The following SIPA1L3 variants were observed in gnomAD, a reference collection of about 807,000 sequenced individuals.
SIPA1L3 encodes the protein signal-induced proliferation-associated 1-like protein 3.
In SIPA1L3, 59 loss-of-function variants were observed where a neutral mutation model predicts 150.1. That is an observed-to-expected ratio of 0.39 (90% CI 0.32 to 0.49). The LOEUF (loss-of-function observed/expected upper bound fraction) is 0.49, where lower values mean the gene tolerates loss of function less well. Ranked by LOEUF, SIPA1L3 falls within the 20% of genes least tolerant of loss-of-function variation. The pLI is 0.86. For missense variants in SIPA1L3, 2,211 were observed against 2,489.5 expected (o/e 0.89, Z 2.38); for synonymous variants, 1,070 against 1,077.6 (o/e 0.99, Z 0.14).
At chr19:38,004,496 C>T (rs1964455096) in intron 1 of SIPA1L3, among the ~76,000 whole-genome samples, 1 of 152,232 alleles carries the variant, frequency 6.6e-6, no homozygotes. Flanking sequence ...CCTTCTGTCT[C>T]TTTATTGTTC....
intron 2 of SIPA1L3, among the ~76,000 whole-genome samples, chr19:38,073,771 C>T (rs1344533112): frequency 2.0e-5 from 3 of 152,170 alleles, no homozygotes; most frequent in African/African-American, 7.2e-5. Flanking sequence ...TCCACTGTGC[C>T]TGCCCCTGCA....
At chr19:37,991,476 A>G (rs946002821) in intron 1 of SIPA1L3, among the ~76,000 whole-genome samples, 2 of 152,202 alleles carry the variant, frequency 1.3e-5, no homozygotes, top group African/African-American at 2.4e-5. Context: ...ACCTCCCCAC[A>G]TCCCCAGAGC....
chr19:37,998,366 G>A (rs1967695748), intron 1 of SIPA1L3, among the ~76,000 whole-genome samples: 1 of 152,156 alleles, frequency 6.6e-6, no homozygotes, highest in Non-Finnish European at 1.5e-5. Context: ...GTAGGACATA[G>A]TAATTTTGAT....
chr19:38,078,132 G>C (rs1278013196), intron 2 of SIPA1L3, among the ~76,000 whole-genome samples: 4 of 152,098 alleles, frequency 2.6e-5, no homozygotes, highest in Non-Finnish European at 5.9e-5. Flanking sequence ...CCTCTCTCCT[G>C]TCTCCCTTAG....
chr19:38,074,556 C>T (rs1048674747), intron 2 of SIPA1L3, among the ~76,000 whole-genome samples: 2 of 152,234 alleles, frequency 1.3e-5, no homozygotes, highest in Non-Finnish European at 2.9e-5. Context: ...GATCTGGTGC[C>T]CAGCACAGCG....
rs530442982 is a variant in SIPA1L3, at chr19:37,937,341, A to G, written c.-379+29983A>G. Among the ~76,000 whole-genome samples the G allele has an allele frequency of 7.9e-5, 12 of 152,302 alleles. No homozygotes were observed. The East Asian group carries it at 1.9e-3, about 24-fold the overall frequency. ...TATTACCAGTAACTTACATGTACCT[A>G]TGTGGTACTTCCCATTCACTTTCCT... On this transcript the variant is annotated intron_variant, in intron 1 of 21. Coordinates refer to ENST00000222345, the MANE Select transcript of SIPA1L3 (RefSeq NM_015073.3).
intron 1 of SIPA1L3, among the ~76,000 whole-genome samples, chr19:37,931,972 G>T (rs1333169943): frequency 6.6e-6 from 1 of 152,246 alleles, no homozygotes; most frequent in Non-Finnish European, 1.5e-5. Context: ...GTAGCACTTA[G>T]AACAGCGCCT....
chr19:38,132,524 C>T (rs113363003), intron 10 of SIPA1L3, among the ~76,000 whole-genome samples: 4,267 of 141,056 alleles, frequency 0.03, 204 homozygotes, highest in African/African-American at 0.1. Context: ...GCAGAGGTTG[C>T]GGTGAGCTGA....
In SIPA1L3 at chr19:38,201,899, G is replaced by A. The variant is rs368524222; in HGVS notation, c.5022G>A (p.Pro1674=). Residue 1674 remains proline, a synonymous_variant, in exon 20 of 22, where the codon CCG becomes CCA. Coordinates refer to ENST00000222345, the MANE Select transcript of SIPA1L3 (RefSeq NM_015073.3). ...RAVSLFSLND[P]ALSPDIPPAH... ...TCTCACTCTTCTCTCTGAACGACCCGGCCCTGAGCCCGGACATCCCGCCTG... is the reference window on the plus strand; with the variant it reads ...TCTCACTCTTCTCTCTGAACGACCCAGCCCTGAGCCCGGACATCCCGCCTG... The A allele has an allele frequency of 3.6e-5, 58 of 1,613,664 alleles. No individual in the cohort carries two copies. Among genetic ancestry groups the A allele is most frequent in the Non-Finnish European group, 4.6e-5 (54 of 1,179,854 alleles).
At chr19:37,929,008 A>G (rs754664708) in intron 1 of SIPA1L3, among the ~76,000 whole-genome samples, 19 of 152,348 alleles carry the variant, frequency 1.2e-4, no homozygotes, top group Middle Eastern at 6.8e-3. Flanking sequence ...TGACAGTGCC[A>G]CATCCAGCAG....
At chr19:38,109,735 C>T (rs2145875267) in intron 7 of SIPA1L3, 1 of 165,222 alleles carries the variant, frequency 6.1e-6, no homozygotes, top group South Asian at 1.6e-4. Flanking sequence ...AACAAAATCC[C>T]TGTTCTCATG....
intron 1 of SIPA1L3, among the ~76,000 whole-genome samples, chr19:37,986,854 AGAACCACCTGGG>A (rs1342245363): frequency 6.6e-6 from 1 of 152,206 alleles, no homozygotes; most frequent in East Asian, 1.9e-4. Flanking sequence ...AATGTAGCTG[AGAACCACCTGGG>A]GGTCGTGATA....
chr19:37,908,633 G>C (rs957258783), intron 1 of SIPA1L3, among the ~76,000 whole-genome samples: 2 of 151,752 alleles, frequency 1.3e-5, no homozygotes. Context: ...TTTTTAATAG[G>C]CCCTTTTTGC....
At chr19:37,998,933 C>G (rs1967709565) in intron 1 of SIPA1L3, among the ~76,000 whole-genome samples, 1 of 151,822 alleles carries the variant, frequency 6.6e-6, no homozygotes, top group Non-Finnish European at 1.5e-5. Flanking sequence ...ACCTTACTCC[C>G]TACTTTTTTT....
intron 1 of SIPA1L3, among the ~76,000 whole-genome samples, chr19:38,025,222 T>C (rs1968477897): frequency 6.6e-6 from 1 of 152,230 alleles, no homozygotes; most frequent in African/African-American, 2.4e-5. Flanking sequence ...CCAGGACGCC[T>C]TTCCCCCTTA....
rs547883384 is a variant in SIPA1L3 at position 37,917,843 on chromosome 19, A to G, written c.-379+10485A>G. Reference sequence around the variant, plus strand: ...AACAAAGCAAGACTCCACCTCTACAAAAATTTAAAAAATTAGCTGGGTATG... The same window carrying G: ...AACAAAGCAAGACTCCACCTCTACAGAAATTTAAAAAATTAGCTGGGTATG... On this transcript the variant is annotated intron_variant, in intron 1 of 21. Coordinates refer to ENST00000222345, the MANE Select transcript of SIPA1L3 (RefSeq NM_015073.3). Among the ~76,000 whole-genome samples the G allele has an allele frequency of 2.0e-5, 3 of 152,186 alleles. No individual in the cohort carries two copies. In the East Asian group the frequency reaches 5.8e-4, roughly 29 times the overall value.
chr19:38,172,894 G>A (rs1322197693), intron 15 of SIPA1L3, among the ~76,000 whole-genome samples: 1 of 152,098 alleles, frequency 6.6e-6, no homozygotes, highest in Non-Finnish European at 1.5e-5. Flanking sequence ...TGGATCACTT[G>A]AGCCCAGGAG....
chr19:37,922,151 C>T (rs2046462422), intron 1 of SIPA1L3, among the ~76,000 whole-genome samples: 1 of 152,062 alleles, frequency 6.6e-6, no homozygotes, highest in South Asian at 2.1e-4. Context: ...CTGGTACAAT[C>T]TCAGCTCACT....
chr19:37,938,381 A>G (rs2046620675), intron 1 of SIPA1L3, among the ~76,000 whole-genome samples: 3 of 152,204 alleles, frequency 2.0e-5, no homozygotes, highest in Admixed American at 2.0e-4. Context: ...TAGCTTTGCC[A>G]GATATTACTG....
Sources: allele counts gnomAD v4.1 joint callset (sites outside exome capture counted in the v4.1 genomes callset), GRCh38; gene constraint gnomAD v4.1.1; transcripts MANE v1.5; gene names NCBI Gene and HGNC (gene_info 2026-07-23, HGNC 2026-07-21).